The following GLIS3 variants were observed in gnomAD, a reference collection of about 807,000 sequenced individuals.
GLIS3 encodes the protein GLIS family zinc finger 3.
Under a neutral mutation model 78.6 loss-of-function variants are expected in GLIS3, and 53 were observed. The ratio of observed to expected loss-of-function variants is 0.67; its 90% CI spans 0.54 to 0.85. The LOEUF (loss-of-function observed/expected upper bound fraction) is 0.85, where lower values mean the gene tolerates loss of function less well. Among genes scored for constraint, GLIS3 ranks in the 40% least tolerant of loss-of-function variants. The probability of loss-of-function intolerance (pLI) is 0.00; values close to 1 mark genes in which losing one functional copy is unlikely to be tolerated. For synonymous variants in GLIS3, 684 were observed against 509.9 expected (o/e 1.34, Z -4.60); for missense variants, 1,703 against 1,231.1 (o/e 1.38, Z -5.74).
chr9:4,219,291 T>C (rs1219574219), intron 2 of GLIS3, among the ~76,000 whole-genome samples: 1 of 152,200 alleles, frequency 6.6e-6, no homozygotes, highest in Non-Finnish European at 1.5e-5. Flanking sequence ...CTTCAAACAA[T>C]CTTAGCATCT....
At chr9:4,457,919 C>T in the GLIS3 span, among the ~76,000 whole-genome samples, 59 of 151,944 alleles carry the variant, frequency 3.9e-4, no homozygotes, top group African/African-American at 1.4e-3. Flanking sequence ...TAAGTTCTGA[C>T]CTTAAGTATA....
At chr9:4,432,070 T>C in the GLIS3 span, among the ~76,000 whole-genome samples, 1 of 152,130 alleles carries the variant, frequency 6.6e-6, no homozygotes, top group Non-Finnish European at 1.5e-5. Context: ...TCTCAAACCT[T>C]GTCCTCCTGT....
At chr9:4,487,815 G>A in the GLIS3 span, among the ~76,000 whole-genome samples, 1 of 151,710 alleles carries the variant, frequency 6.6e-6, no homozygotes, top group African/African-American at 2.4e-5. Context: ...AGCCTCCCAA[G>A]TAGCAGAGAC....
At chr9:4,472,078 A>G in the GLIS3 span, among the ~76,000 whole-genome samples, 3 of 152,358 alleles carry the variant, frequency 2.0e-5, no homozygotes, top group South Asian at 6.2e-4. Flanking sequence ...CACCAGTTAG[A>G]ATGGCAGTCA....
At chr9:4,379,023 A>G in the GLIS3 span, among the ~76,000 whole-genome samples, 2 of 152,176 alleles carry the variant, frequency 1.3e-5, no homozygotes, top group African/African-American at 2.4e-5. Context: ...AAAATGCTAT[A>G]TAAGCTCCGT....
chr9:3,879,561 A>C lies in GLIS3; in HGVS notation c.2163T>G (p.Ser721Arg). 6.2e-7 allele frequency: 1 copy of C among 1,614,130 alleles called. No individual in the cohort carries two copies. The highest frequency in any genetic ancestry group is 8.5e-7 in the Non-Finnish European group (1 of 1,180,006). The change falls in exon 8 of 11, where the codon AGT becomes AGG. Residue 721 changes from serine (S) to arginine (R), a missense_variant. Coordinates refer to ENST00000381971, the MANE Select transcript of GLIS3 (RefSeq NM_001042413.2). ...PIFSSNYSSR[S>R]GTAAGAVPPP... ...GTGGTACGGCCCCAGCAGCTGTTCCACTTCGGCTTGAATAATTGCTGGAGA... is the reference window on the plus strand; with the variant it reads ...GTGGTACGGCCCCAGCAGCTGTTCCCCTTCGGCTTGAATAATTGCTGGAGA...
the GLIS3 span, among the ~76,000 whole-genome samples, chr9:4,442,582 T>A: frequency 1.3e-5 from 2 of 152,146 alleles, no homozygotes; most frequent in South Asian, 2.1e-4. Context: ...TTTTGTTGCT[T>A]TTGTTTTATA....
At chr9:4,234,588 G>A (rs1485746591) in intron 2 of GLIS3, among the ~76,000 whole-genome samples, 1 of 152,126 alleles carries the variant, frequency 6.6e-6, no homozygotes, top group Non-Finnish European at 1.5e-5. Context: ...AATAACAACG[G>A]AAAAGTTTGA....
intron 9 of GLIS3, among the ~76,000 whole-genome samples, chr9:3,853,953 C>G (rs1291525622): frequency 6.6e-6 from 1 of 152,160 alleles, no homozygotes; most frequent in Admixed American, 6.5e-5. Flanking sequence ...TAGATAGCAC[C>G]AGAAAGAAAA....
At chr9:4,050,321 A>G (rs1461535603) in intron 4 of GLIS3, among the ~76,000 whole-genome samples, 3 of 152,162 alleles carry the variant, frequency 2.0e-5, no homozygotes, top group Admixed American at 6.6e-5. Flanking sequence ...GCTGGAAACC[A>G]TTATTCTCAG....
chr9:4,453,903 G>A, the GLIS3 span, among the ~76,000 whole-genome samples: 10 of 152,040 alleles, frequency 6.6e-5, no homozygotes, highest in Non-Finnish European at 1.5e-4. Flanking sequence ...TGTAAATGAC[G>A]AGTTGATGGG....
At chr9:4,096,498 T>C (rs1400769491) in intron 4 of GLIS3, among the ~76,000 whole-genome samples, 2 of 152,206 alleles carry the variant, frequency 1.3e-5, no homozygotes, top group African/African-American at 4.8e-5. Context: ...AAAGGTGGGG[T>C]TGGAGCTGGG....
chr9:4,142,219 T>A (rs1001930563), intron 2 of GLIS3, among the ~76,000 whole-genome samples: 3 of 152,202 alleles, frequency 2.0e-5, no homozygotes, highest in Admixed American at 2.0e-4. Context: ...AATACTATTT[T>A]AAAAGTAGCA....
chr9:3,921,257 G>GA (rs1286533072), intron 6 of GLIS3, among the ~76,000 whole-genome samples: 1 of 152,176 alleles, frequency 6.6e-6, no homozygotes, highest in African/African-American at 2.4e-5. Context: ...CAGGAGAAAA[G>GA]AAAAAATTAT....
chr9:3,916,773 T>C (rs1824541591), intron 6 of GLIS3, among the ~76,000 whole-genome samples: 1 of 152,190 alleles, frequency 6.6e-6, no homozygotes. Flanking sequence ...TCTCTTTGCA[T>C]TAATAAAATA....
the GLIS3 span, among the ~76,000 whole-genome samples, chr9:4,450,495 C>G: frequency 0.55 from 83,834 of 151,856 alleles, 23,927 homozygotes; most frequent in South Asian, 0.72. Context: ...GAAATACAGA[C>G]AATGCCACAA....
chr9:4,177,585 A>C lies in GLIS3; in HGVS notation c.389-51644T>G, dbSNP rs139437022. Among the ~76,000 whole-genome samples, 12 of 152,314 alleles carry C rather than the reference A, an allele frequency of 7.9e-5. No homozygotes were observed. In the East Asian group the frequency reaches 2.3e-3, roughly 29 times the overall value. ...ACAGAGGAACCCTAGAGTTTCAAAT[A>C]ATAAAATCCTACTGAGCTTGTTGAT... On this transcript the variant is annotated intron_variant, in intron 2 of 10. Coordinates refer to ENST00000381971, the MANE Select transcript of GLIS3 (RefSeq NM_001042413.2).
chr9:4,042,476 T>C (rs1824901310), intron 4 of GLIS3, among the ~76,000 whole-genome samples: 1 of 152,168 alleles, frequency 6.6e-6, no homozygotes, highest in Admixed American at 6.6e-5. Flanking sequence ...AGGCCAACAC[T>C]TACTCGTCTG....
intron 4 of GLIS3, among the ~76,000 whole-genome samples, chr9:3,979,482 T>G (rs1222311343): frequency 3.3e-5 from 5 of 152,262 alleles, no homozygotes; most frequent in Non-Finnish European, 7.3e-5. Context: ...TTCATTGCTC[T>G]GCACCAGCTC....
Sources: allele counts gnomAD v4.1 joint callset (sites outside exome capture counted in the v4.1 genomes callset), GRCh38; gene constraint gnomAD v4.1.1; transcripts MANE v1.5; gene names NCBI Gene and HGNC (gene_info 2026-07-23, HGNC 2026-07-21).